The following PINX1 variants were observed in gnomAD, a reference collection of about 807,000 sequenced individuals.
PINX1 encodes the protein PIN2/TERF1-interacting telomerase inhibitor 1.
In PINX1, 34 loss-of-function variants were observed where a neutral mutation model predicts 25.4. The observed-to-expected ratio is 1.34, with a 90% CI of 1.02 to 1.78. The LOEUF (loss-of-function observed/expected upper bound fraction) is 1.78. Among genes scored for constraint, PINX1 ranks in the 40% most tolerant of loss-of-function variants. The probability of loss-of-function intolerance (pLI) is 0.00; values close to 1 mark genes in which losing one functional copy is unlikely to be tolerated. For synonymous variants in PINX1, 197 were observed against 147.7 expected, an observed-to-expected ratio of 1.33 and a Z score of -2.42; for missense variants, 592 against 404.9, an observed-to-expected ratio of 1.46 and a Z score of -3.97.
chr8:10,823,583 G>A (rs547615284), intron 5 of PINX1, among the ~76,000 whole-genome samples: 24 of 152,052 alleles, frequency 1.6e-4, no homozygotes, highest in African/African-American at 5.1e-4. Flanking sequence ...TGATAAAACT[G>A]ACATTTAAAA....
At chr8:10,797,112 G>A (rs1216877338) in intron 6 of PINX1, among the ~76,000 whole-genome samples, 6 of 152,092 alleles carry the variant, frequency 3.9e-5, no homozygotes, top group Non-Finnish European at 5.9e-5. Flanking sequence ...AGCGGGTGAC[G>A]GAGAGTGTTG....
rs1275617579 is a variant in PINX1 at position 10,826,134 on chromosome 8, A to G, written c.394+18T>C. The G allele has an allele frequency of 7.2e-7, 1 of 1,383,712 alleles. No homozygotes were observed. Among genetic ancestry groups the G allele is most frequent in the Non-Finnish European group, 1.0e-6 (1 of 989,086 alleles). 85.7% of individuals were successfully genotyped at this position (1,383,712 alleles called of 1,614,324 possible). A position where few individuals can be genotyped will look rare whatever the true frequency, so the allele number is the denominator to read the frequency against. The stretch of plus-strand genomic sequence containing the variant: ...ACACGTAGATTTCAATAACAAGTAA[A>G]GAAATGCTTAATCTTACCTTTTGTG... On this transcript the variant is annotated intron_variant, in intron 5 of 6. Coordinates refer to ENST00000314787, the MANE Select transcript of PINX1 (RefSeq NM_017884.6).
At position 10,834,610 on chromosome 8, in the gene PINX1, C is replaced by T. The variant is rs188033904; in HGVS notation, c.129+56G>A. ...AGTCTCCTAAGAAGGAAGTTTTCCC[C>T]TAATTTCTAATCTCTTTTCATAGCT... On this transcript the variant is annotated intron_variant, in intron 2 of 6. Coordinates refer to ENST00000314787, the MANE Select transcript of PINX1 (RefSeq NM_017884.6). 383 of 1,581,380 alleles carry T rather than the reference C, an allele frequency of 2.4e-4. No individual in the cohort carries two copies. The African/African-American group carries it at 3.8e-3, about 16-fold the overall frequency.
intron 1 of PINX1, among the ~76,000 whole-genome samples, chr8:10,839,115 G>A (rs1183817390): frequency 1.3e-5 from 2 of 152,166 alleles, no homozygotes; most frequent in Non-Finnish European, 2.9e-5. Flanking sequence ...CCTCTACAGA[G>A]ACAGGGGTTT....
intron 6 of PINX1, among the ~76,000 whole-genome samples, chr8:10,802,889 A>C (rs924254694): frequency 6.6e-6 from 1 of 152,186 alleles, no homozygotes; most frequent in African/African-American, 2.4e-5. Flanking sequence ...ATTAGTATAC[A>C]CAGCAAGAAG....
chr8:10,772,094 C>T (rs574929687), intron 6 of PINX1, among the ~76,000 whole-genome samples: 1 of 152,352 alleles, frequency 6.6e-6, no homozygotes, highest in African/African-American at 2.4e-5. Flanking sequence ...TGAACACAAG[C>T]AATGCCAGTA....
intron 6 of PINX1, among the ~76,000 whole-genome samples, chr8:10,779,728 T>C (rs1035883031): frequency 6.6e-6 from 1 of 152,196 alleles, no homozygotes; most frequent in African/African-American, 2.4e-5. Flanking sequence ...GTACTTGTGG[T>C]CCTAAATCTA....
chr8:10,780,232 A>C (rs1027808167), intron 6 of PINX1, among the ~76,000 whole-genome samples: 1 of 152,108 alleles, frequency 6.6e-6, no homozygotes, highest in African/African-American at 2.4e-5. Flanking sequence ...ACTGCTCTTA[A>C]TAGTACTTCC....
chr8:10,766,180 C>T (rs1280696054), intron 6 of PINX1, among the ~76,000 whole-genome samples: 1 of 152,172 alleles, frequency 6.6e-6, no homozygotes, highest in Admixed American at 6.5e-5. Flanking sequence ...AGATGACAGG[C>T]AGAAGCTAAT....
intron 6 of PINX1, among the ~76,000 whole-genome samples, chr8:10,806,235 T>A (rs1196739716): frequency 1.3e-5 from 2 of 151,678 alleles, no homozygotes; most frequent in Admixed American, 1.3e-4. Flanking sequence ...CAGAGCACCA[T>A]CTCCTTCACT....
intron 5 of PINX1, among the ~76,000 whole-genome samples, chr8:10,823,905 T>A (rs570706161): frequency 4.2e-4 from 64 of 152,352 alleles, no homozygotes; most frequent in African/African-American, 1.4e-3. Context: ...TACTGTAATC[T>A]TAGTAGAGTA....
At position 10,820,212 on chromosome 8, in the gene PINX1, T is replaced by C. The variant is rs373787798; in HGVS notation, c.452A>G (p.Gln151Arg). ...TTATACCTCGGGAGTCTTCTTACTCTGTCTTTTCCCAAAAATGCAGTCAAG... is the reference window on the plus strand; with the variant it reads ...TTATACCTCGGGAGTCTTCTTACTCCGTCTTTTCCCAAAAATGCAGTCAAG... ...TDLDCIFGKR[Q>R]SKKTPEGDAS... Residue 151 changes from glutamine (Q) to arginine (R), a missense_variant, in exon 6 of 7, where the codon CAG becomes CGG. Transcript: ENST00000314787. 1.1e-4 allele frequency: 174 copies of C among 1,611,472 alleles called. No individual in the cohort carries two copies. The highest frequency in any genetic ancestry group is 1.4e-4 in the Non-Finnish European group (169 of 1,177,846).
chr8:10,802,764 G>A (rs759852572), intron 6 of PINX1, among the ~76,000 whole-genome samples: 2 of 152,186 alleles, frequency 1.3e-5, no homozygotes, highest in Admixed American at 1.3e-4. Context: ...GGGGGATGGG[G>A]TGCTCTGCTC....
Position 10,832,854 on chromosome 8 carries a change from T to C in PINX1, c.222+38A>G, listed in dbSNP as rs117474626. On this transcript the variant is annotated intron_variant, in intron 3 of 6. Coordinates refer to ENST00000314787, the MANE Select transcript of PINX1 (RefSeq NM_017884.6). ...TCAGATTTACAAGACTGAAGCCAAT[T>C]ATGCAAAGACACCCAGGAGGCACAC... 5.6e-3 allele frequency: 6,929 copies of C among 1,244,170 alleles called. 48 individuals are homozygous for C. Among genetic ancestry groups the C allele is most frequent in the Non-Finnish European group, 6.3e-3 (5,330 of 851,604 alleles). 77.1% of individuals were successfully genotyped at this position (1,244,170 alleles called of 1,614,324 possible).
At chr8:10,814,680 T>C (rs538845034) in intron 6 of PINX1, among the ~76,000 whole-genome samples, 24 of 152,310 alleles carry the variant, frequency 1.6e-4, no homozygotes, top group African/African-American at 5.5e-4. Context: ...TATTAGAACG[T>C]TTCAAAAGGA....
intron 6 of PINX1, among the ~76,000 whole-genome samples, chr8:10,806,274 C>A (rs1198131735): frequency 6.6e-6 from 1 of 152,212 alleles, no homozygotes; most frequent in East Asian, 1.9e-4. Context: ...CAACCTTCTT[C>A]AGGCTTGGAT....
At chr8:10,834,422 A>G in intron 2 of PINX1, 1 of 474,324 alleles carries the variant, frequency 2.1e-6, no homozygotes, top group Non-Finnish European at 3.7e-6. Flanking sequence ...AAAGGGAAAA[A>G]GCGTGTAGCC....
intron 6 of PINX1, among the ~76,000 whole-genome samples, chr8:10,817,015 G>C (rs75066189): frequency 0.016 from 2,404 of 152,306 alleles, 76 homozygotes; most frequent in African/African-American, 0.054. Flanking sequence ...GGAATTCTAC[G>C]ATGGCAGTCA....
rs951984419 is a variant in PINX1, at chr8:10,815,983, G to A, written c.471+4210C>T. 2.6e-5 allele frequency among the ~76,000 whole-genome samples: 4 copies of A among 152,306 alleles called. No homozygotes were observed. The South Asian group carries it at 6.2e-4, about 24-fold the overall frequency. On this transcript the variant is annotated intron_variant, in intron 6 of 6. Transcript: ENST00000314787. ...GAGCAGCCTCAGCATCAAACGGAGA[G>A]ACCATGTGGTCTGTACACACGATAT...
Sources: allele counts gnomAD v4.1 joint callset (sites outside exome capture counted in the v4.1 genomes callset), GRCh38; gene constraint gnomAD v4.1.1; transcripts MANE v1.5; gene names NCBI Gene and HGNC (gene_info 2026-07-23, HGNC 2026-07-21).